Variants in MBTPS1 observed in about 807,000 individuals in gnomAD.
The protein encoded by MBTPS1 is membrane-bound transcription factor site-1 protease.
Under a neutral mutation model 127.8 loss-of-function variants are expected in MBTPS1, and 94 were observed. The observed-to-expected ratio is 0.74, with a 90% confidence interval of 0.62 to 0.87. The LOEUF (loss-of-function observed/expected upper bound fraction) is 0.87, where lower values mean the gene tolerates loss of function less well. MBTPS1 is among the 40% of genes least tolerant of loss of function. The pLI, the probability that MBTPS1 is intolerant of heterozygous loss-of-function variation, is 0.00. For missense variants in MBTPS1, 1,636 were observed against 1,353.2 expected, an observed-to-expected ratio of 1.21 and a Z score of -3.28; for synonymous variants, 632 against 509.4, an observed-to-expected ratio of 1.24 and a Z score of -3.24.
intron 3 of MBTPS1, among the ~76,000 whole-genome samples, chr16:84,097,837 C>CGTGTGTGTGTGTGTGTGTGTGTGTGT (rs71382894): frequency 7.0e-6 from 1 of 143,022 alleles, no homozygotes; most frequent in African/African-American, 2.6e-5. Flanking sequence ...AACTTCTCTT[C>CGTGTGTGTGTGTGTGTGTGTGTGTGT]GTGTGTGTGT....
chr16:84,077,461 A>T (rs569916251), intron 11 of MBTPS1, among the ~76,000 whole-genome samples: 1 of 152,208 alleles, frequency 6.6e-6, no homozygotes, highest in South Asian at 2.1e-4. Flanking sequence ...AACTTAGTAC[A>T]TAATAAAGAC....
In MBTPS1 at chr16:84,093,812, AC is replaced by A; in HGVS notation, c.634del (p.Val212Ter). The A allele has an allele frequency of 6.2e-7, 1 of 1,604,160 alleles. No homozygotes were observed. Among genetic ancestry groups the A allele is most frequent in the Non-Finnish European group, 8.5e-7 (1 of 1,170,890 alleles). ...LWQMGYTGAN[V>X]RVAVFDTGLS... ...CCCAGTGTCAAAAACAGCAACTCTTACATTAGCACCTTATTCGGAAAAGAAA... is the reference window on the plus strand; with the variant it reads ...CCCAGTGTCAAAAACAGCAACTCTTAATTAGCACCTTATTCGGAAAAGAAA... On this transcript the variant is annotated frameshift_variant, in exon 5 of 23. Transcript: ENST00000343411. LOFTEE classifies it high-confidence loss of function.
At chr16:84,073,038 T>C (rs1031660688) in intron 12 of MBTPS1, among the ~76,000 whole-genome samples, 11 of 152,250 alleles carry the variant, frequency 7.2e-5, no homozygotes, top group Non-Finnish European at 1.5e-4. Context: ...AATTGAAAAC[T>C]ACCTAACAGT....
intron 16 of MBTPS1, among the ~76,000 whole-genome samples, 170 bp from the exon 17 acceptor site, chr16:84,066,783 T>A (rs896531583): frequency 7.2e-5 from 11 of 152,260 alleles, no homozygotes; most frequent in African/African-American, 2.7e-4. Context: ...CAAATTTAAG[T>A]GCTTCGGCTG....
At chr16:84,068,798 T>A (rs944869018) in intron 14 of MBTPS1, among the ~76,000 whole-genome samples, 1 of 152,228 alleles carries the variant, frequency 6.6e-6, no homozygotes, top group African/African-American at 2.4e-5. Context: ...CAGAAGAGCT[T>A]AGCAAATAGC....
chr16:84,092,088 A>G (rs1191451830), intron 6 of MBTPS1, among the ~76,000 whole-genome samples: 1 of 152,172 alleles, frequency 6.6e-6, no homozygotes, highest in Non-Finnish European at 1.5e-5. Flanking sequence ...CAGGTGGCCT[A>G]TCTCTCTAGG....
At position 84,067,777 on chromosome 16, in the gene MBTPS1, C is replaced by A; in HGVS notation, c.2118G>T (p.Glu706Asp). The A allele has an allele frequency of 6.2e-7, 1 of 1,614,154 alleles. No homozygotes were observed. The highest frequency in any genetic ancestry group is 8.5e-7 in the Non-Finnish European group (1 of 1,179,986). ...VDSEEEYFPEEIAKLRRDVDN... is the reference protein window; with the variant it reads ...VDSEEEYFPEDIAKLRRDVDN... ...CCACGTCCCTCCGGAGCTTGGCGATCTCTTCAGGGAAGTACTCCTCCTCAC... is the reference window on the plus strand; with the variant it reads ...CCACGTCCCTCCGGAGCTTGGCGATATCTTCAGGGAAGTACTCCTCCTCAC... The change falls in exon 16 of 23, where the codon GAG becomes GAT. Residue 706 changes from glutamate (E) to aspartate (D), a missense_variant. Transcript: ENST00000343411.
At chr16:84,067,031 T>A (rs1436746471) in intron 16 of MBTPS1, among the ~76,000 whole-genome samples, 1 of 152,174 alleles carries the variant, frequency 6.6e-6, no homozygotes, top group Non-Finnish European at 1.5e-5. Context: ...GGAAGGACAT[T>A]ATTCCCTTTG....
Position 84,067,682 on chromosome 16 carries a change from T to C in MBTPS1, c.2213A>G (p.Tyr738Cys), listed in dbSNP as rs1168761016. 1 of 1,612,372 alleles carries C rather than the reference T, an allele frequency of 6.2e-7. No individual in the cohort carries two copies. Among genetic ancestry groups the C allele is most frequent in the South Asian group, 1.1e-5 (1 of 91,012 alleles). ...NTSVMRKVKF[Y>C]DENTRQWWMP... ...TCAACAGTACCTTGTGTTTTCATCA[T>C]AAAACTTCACTTTTCTCATAACAGA... The change falls in exon 16 of 23, where the codon TAT becomes TGT. Residue 738 changes from tyrosine to cysteine, a missense_variant. Tyr to Cys is a radical substitution (Grantham distance 194, BLOSUM62 -2). Coordinates refer to ENST00000343411, the MANE Select transcript of MBTPS1 (RefSeq NM_003791.4).
chr16:84,066,429 A>T, intron 17 of MBTPS1, 60 bp downstream of exon 17: 30 of 1,564,042 alleles, frequency 1.9e-5, no homozygotes, highest in Non-Finnish European at 2.6e-5. Flanking sequence ...TCTAGACTTC[A>T]GAGGTGTAGA....
chr16:84,101,747 C>T lies in MBTPS1; in HGVS notation c.37G>A (p.Val13Ile), dbSNP rs763300339. 14 of 1,613,932 alleles carry T rather than the reference C, an allele frequency of 8.7e-6. No homozygotes were observed. The highest frequency in any genetic ancestry group is 1.2e-5 in the Non-Finnish European group (14 of 1,179,978). ...LVNIWLLLLV[V>I]LLCGKKHLGD... Reference sequence around the variant, plus strand: ...AGATGTTTCTTCCCACAGAGCAAAACCACGAGCAGAAGCAGCCAGATGTTG... The same window carrying T: ...AGATGTTTCTTCCCACAGAGCAAAATCACGAGCAGAAGCAGCCAGATGTTG... Residue 13 changes from valine to isoleucine, a missense_variant, in exon 2 of 23, where the codon GTT (valine) becomes ATT (isoleucine). Physicochemically the swap from Val to Ile is conservative, Grantham distance 29. Transcript: ENST00000343411.
chr16:84,076,900 A>C (rs2085861731), intron 11 of MBTPS1, among the ~76,000 whole-genome samples: 1 of 152,266 alleles, frequency 6.6e-6, no homozygotes. Context: ...AGATGATATG[A>C]AAATTCATAT....
In MBTPS1 at chr16:84,081,159, C is replaced by T. The variant is rs141297166; in HGVS notation, c.1448+588G>A. ...GCTCATACTGAGGTTATGGAAGATACTAAGGTGAGGGAAAGCTGGGTGAAG... is the reference window on the plus strand; with the variant it reads ...GCTCATACTGAGGTTATGGAAGATATTAAGGTGAGGGAAAGCTGGGTGAAG... On this transcript the variant is annotated intron_variant, in intron 11 of 22. Coordinates refer to ENST00000343411, the MANE Select transcript of MBTPS1 (RefSeq NM_003791.4). Among the ~76,000 whole-genome samples the T allele has an allele frequency of 7.2e-5, 11 of 152,296 alleles. No homozygotes were observed. The East Asian group carries it at 1.9e-3, about 27-fold the overall frequency.
intron 21 of MBTPS1, among the ~76,000 whole-genome samples, chr16:84,058,223 G>C (rs910372186): frequency 6.6e-6 from 1 of 152,374 alleles, no homozygotes; most frequent in Middle Eastern, 3.4e-3. Flanking sequence ...CATACGGTCA[G>C]TGCGTGGTGT....
chr16:84,073,369 T>A (rs1266474913), intron 12 of MBTPS1, among the ~76,000 whole-genome samples: 2 of 152,124 alleles, frequency 1.3e-5, no homozygotes, highest in African/African-American at 4.8e-5. Context: ...CTTGACCTCG[T>A]GATCCTCCTG....
At chr16:84,065,817 T>A in intron 17 of MBTPS1, 50 bp from the exon 18 acceptor site, 1 of 1,057,616 alleles carries the variant, frequency 9.5e-7, no homozygotes, top group Non-Finnish European at 1.4e-6. Context: ...CCGAACACTT[T>A]AATAAATAAT....
rs780700298 is a variant in MBTPS1 at position 84,101,719 on chromosome 16, C to T, written c.65G>A (p.Gly22Asp). 9 of 1,614,126 alleles carry T rather than the reference C, an allele frequency of 5.6e-6. No individual in the cohort carries two copies. In the South Asian group the frequency reaches 9.9e-5, roughly 18 times the overall value. The change falls in exon 2 of 23, where the codon GGC becomes GAC. Residue 22 changes from glycine to aspartate, a missense_variant. By Grantham distance (94) the Gly-to-Asp change is moderately conservative. Transcript: ENST00000343411. ...AAAAGATTTCTTTTCCAGTCTGTCGCCCAGATGTTTCTTCCCACAGAGCAA... is the reference window on the plus strand; with the variant it reads ...AAAAGATTTCTTTTCCAGTCTGTCGTCCAGATGTTTCTTCCCACAGAGCAA... ...VVLLCGKKHL[G>D]DRLEKKSFEK...
intron 11 of MBTPS1, among the ~76,000 whole-genome samples, chr16:84,077,972 A>C (rs1162073325): frequency 6.6e-6 from 1 of 152,232 alleles, no homozygotes; most frequent in Non-Finnish European, 1.5e-5. Flanking sequence ...TTAGGTGTTC[A>C]AACTCACTCA....
intron 1 of MBTPS1, among the ~76,000 whole-genome samples, chr16:84,107,482 C>T (rs1319534567): frequency 1.3e-5 from 2 of 152,162 alleles, no homozygotes; most frequent in Admixed American, 6.5e-5. Flanking sequence ...AGCTAAAATC[C>T]AGGCTCTATC....
Sources: gnomAD v4.1 joint callset for allele counts (sites outside exome capture counted in the v4.1 genomes callset) on GRCh38, gnomAD v4.1.1 for gene constraint, MANE v1.5 for transcripts, NCBI Gene and HGNC (gene_info 2026-07-23, HGNC 2026-07-21) for gene names.